Variants in MED18 observed in about 807,000 individuals in gnomAD.
MED18 encodes the protein mediator complex subunit 18.
MED18 carries 10 observed loss-of-function variants against 13.9 expected under a neutral mutation model. That is an observed-to-expected ratio of 0.72 (90% CI 0.44 to 1.22). The LOEUF (loss-of-function observed/expected upper bound fraction) is 1.22. Ranked by LOEUF, MED18 falls within the 50% of genes most tolerant of loss-of-function variation. The probability of loss-of-function intolerance (pLI) is 0.00; values close to 1 mark genes in which losing one functional copy is unlikely to be tolerated. For missense variants in MED18, 216 were observed against 279.0 expected (o/e 0.77, Z 1.61); for synonymous variants, 88 against 93.2 (o/e 0.94, Z 0.32).
rs1339150907 is a variant in MED18, at chr1:28,334,939, T to C, written c.596T>C (p.Leu199Pro). 2 of 1,614,040 alleles carry C rather than the reference T, an allele frequency of 1.2e-6. No homozygotes were observed. The highest frequency in any genetic ancestry group is 1.7e-6 in the Non-Finnish European group (2 of 1,179,926). ...FAEQLKPLVH[L>P]EKIDPKRLM ...GAACAGCTAAAACCTCTGGTTCACC[T>C]AGAGAAAATAGACCCCAAGAGGCTC... is the stretch of plus-strand genomic sequence containing the variant. Residue 199 changes from leucine to proline, a missense_variant, in exon 3 of 3, where the codon CTA (leucine) becomes CCA (proline). Physicochemically the swap from Leu to Pro is moderately conservative, Grantham distance 98 (BLOSUM62 -3). Transcript: ENST00000373842.
Position 28,334,569 on chromosome 1 carries a change from A to G in MED18, c.226A>G (p.Met76Val). ...ATTTGTTCTCAGGGCCCGACGCTCT[A>G]TGGACAGGGCAGGGGCACCCTGGCA... is the stretch of plus-strand genomic sequence containing the variant. ...SPFVLRARRS[M>V]DRAGAPWHLR... Residue 76 changes from methionine to valine, a missense_variant, in exon 3 of 3, where the codon ATG (methionine) becomes GTG (valine). By Grantham distance (21) the Met-to-Val change is conservative. Transcript: ENST00000373842. 1.9e-6 allele frequency: 3 copies of G among 1,614,194 alleles called. No individual in the cohort carries two copies. Among genetic ancestry groups the G allele is most frequent in the East Asian group, 4.5e-5 (2 of 44,882 alleles).
chr1:28,333,440 A>T (rs771660333), intron 2 of MED18, among the ~76,000 whole-genome samples: 2 of 152,202 alleles, frequency 1.3e-5, no homozygotes, highest in Non-Finnish European at 2.9e-5. Flanking sequence ...CCAAGGGAAG[A>T]ATAGATTTCA....
At chr1:28,330,315 A>G (rs1649670593) in intron 1 of MED18, 1 of 172,354 alleles carries the variant, frequency 5.8e-6, no homozygotes. Flanking sequence ...CTCATTTTAT[A>G]AGGAAGACAT....
In MED18 at chr1:28,331,813, G is replaced by T. The variant is rs945241923; in HGVS notation, c.73+1078G>T. Among the ~76,000 whole-genome samples, 4 of 151,926 alleles carry T rather than the reference G, an allele frequency of 2.6e-5. No individual in the cohort carries two copies. The South Asian group carries it at 8.3e-4, about 31-fold the overall frequency. ...GGCTGGAGCACAGTGGTGCAATCTTGGCTTACTGCAGCCTCTGCCTCCCAG... is the reference window on the plus strand; with the variant it reads ...GGCTGGAGCACAGTGGTGCAATCTTTGCTTACTGCAGCCTCTGCCTCCCAG... On this transcript the variant is annotated intron_variant, in intron 2 of 2. Transcript: ENST00000373842.
Position 28,334,654 on chromosome 1 carries a change from A to C in MED18, c.311A>C (p.Asn104Thr). Residue 104 changes from asparagine (N) to threonine (T), a missense_variant, in exon 3 of 3, where the codon AAC becomes ACC. Coordinates refer to ENST00000373842, the MANE Select transcript of MED18 (RefSeq NM_017638.3). Reference sequence around the variant, plus strand: ...AAGAACCGCCATGCCCTGGTGCGAAACTGCGTGGACATTGCCACATCTGAG... The same window carrying C: ...AAGAACCGCCATGCCCTGGTGCGAACCTGCGTGGACATTGCCACATCTGAG... ...GDKNRHALVR[N>T]CVDIATSENL... 6.2e-7 allele frequency: 1 copy of C among 1,614,206 alleles called. No homozygotes were observed. Among genetic ancestry groups the C allele is most frequent in the Non-Finnish European group, 8.5e-7 (1 of 1,180,032 alleles).
chr1:28,334,941 G>C lies in MED18; in HGVS notation c.598G>C (p.Glu200Gln). The C allele has an allele frequency of 6.2e-7, 1 of 1,614,044 alleles. No individual in the cohort carries two copies. Among genetic ancestry groups the C allele is most frequent in the Non-Finnish European group, 8.5e-7 (1 of 1,179,932 alleles). ...AEQLKPLVHLEKIDPKRLM is the reference protein window; with the variant it reads ...AEQLKPLVHLQKIDPKRLM ...ACAGCTAAAACCTCTGGTTCACCTA[G>C]AGAAAATAGACCCCAAGAGGCTCAT... Residue 200 changes from glutamate to glutamine, a missense_variant, in exon 3 of 3, where the codon GAG becomes CAG. Glu to Gln is a conservative substitution (Grantham distance 29). Transcript: ENST00000373842.
intron 1 of MED18, 100 bp downstream of exon 1, chr1:28,329,280 C>CTCTTT (rs1649619120): frequency 6.2e-5 from 6 of 96,024 alleles, no homozygotes; most frequent in South Asian, 3.4e-4. Flanking sequence ...CTCTCTCTCT[C>CTCTTT]TTTTTTTTTT....
At position 28,334,947 on chromosome 1, in the gene MED18, A is replaced by G. The variant is rs1649887848; in HGVS notation, c.604A>G (p.Ile202Val). 5.0e-6 allele frequency: 8 copies of G among 1,613,800 alleles called. No homozygotes were observed. The African/African-American group carries it at 1.1e-4, about 22-fold the overall frequency. ...AAAACCTCTGGTTCACCTAGAGAAA[A>G]TAGACCCCAAGAGGCTCATGTGACT... ...QLKPLVHLEKIDPKRLM is the reference protein window; with the variant it reads ...QLKPLVHLEKVDPKRLM Residue 202 changes from isoleucine (I) to valine (V), a missense_variant, in exon 3 of 3, where the codon ATA becomes GTA. By Grantham distance (29) the Ile-to-Val change is conservative (BLOSUM62 3). Transcript: ENST00000373842.
rs1026548445 is a variant in MED18 at position 28,335,509 on chromosome 1, A to G, written c.*539A>G. ...AGGCTCAGGATGTCACGGAGAATCT[A>G]TCTAATCCCACTGTATTAAGAGGGG... On this transcript the variant is annotated 3_prime_UTR_variant, in exon 3 of 3. Transcript: ENST00000373842. The G allele has an allele frequency of 6.3e-6, 1 of 157,872 alleles. No individual in the cohort carries two copies. The highest frequency in any genetic ancestry group is 1.4e-5 in the Non-Finnish European group (1 of 71,378). The allele number at this position is 157,872 out of a possible 1,614,324, so 9.8% of individuals were successfully genotyped here.
rs770319385 is a variant in MED18 at position 28,330,762 on chromosome 1, C to A, written c.73+27C>A. 4 of 1,553,560 alleles carry A rather than the reference C, an allele frequency of 2.6e-6. No individual in the cohort carries two copies. In the South Asian group the frequency reaches 4.7e-5, roughly 18 times the overall value. On this transcript the variant is annotated intron_variant, in intron 2 of 2. Transcript: ENST00000373842. ...TAAGTGAACTAGGGAACTTGGATTA[C>A]CTGTTTTCCTCTTCTCTGTTCAGCT...
At chr1:28,329,427 A>G (rs1649631633) in intron 1 of MED18, among the ~76,000 whole-genome samples, 1 of 151,546 alleles carries the variant, frequency 6.6e-6, no homozygotes, top group African/African-American at 2.4e-5. Flanking sequence ...CTGGGATTAC[A>G]GGCGCTCGCC....
intron 2 of MED18, 147 bp downstream of exon 2, chr1:28,330,882 T>C (rs1649699741): frequency 5.6e-6 from 3 of 535,444 alleles, no homozygotes; most frequent in Non-Finnish European, 9.5e-6. Context: ...TAGTTTTATA[T>C]GCACTAAACA....
At chr1:28,332,861 G>A (rs1649788716) in intron 2 of MED18, among the ~76,000 whole-genome samples, 1 of 152,222 alleles carries the variant, frequency 6.6e-6, no homozygotes, top group Non-Finnish European at 1.5e-5. Context: ...AGAGGCGATT[G>A]CAAAGACCAG....
chr1:28,330,451 C>T, intron 1 of MED18, 146 bp from the exon 2 acceptor site: 2 of 414,452 alleles, frequency 4.8e-6, no homozygotes, highest in East Asian at 5.2e-5. Context: ...TTCTATATTT[C>T]TGTGTCATCA....
Position 28,335,649 on chromosome 1 carries a change from C to G in MED18, c.*679C>G, listed in dbSNP as rs1649919618. On this transcript the variant is annotated 3_prime_UTR_variant, in exon 3 of 3. Transcript: ENST00000373842. ...ACCAGCCTGGCCAAATGGTGAAACC[C>G]CATCTCTACGAAAAATACAAAATTT... The G allele has an allele frequency of 6.6e-6, 1 of 151,924 alleles. No homozygotes were observed. The highest frequency in any genetic ancestry group is 1.5e-5 in the Non-Finnish European group (1 of 68,018). 9.4% of individuals were successfully genotyped at this position (151,924 alleles called of 1,614,324 possible).
At chr1:28,329,303 T>TTTTTTA (rs1649621601) in intron 1 of MED18, 123 bp downstream of exon 1, 2 of 151,556 alleles carry the variant, frequency 1.3e-5, no homozygotes, top group African/African-American at 5.0e-5. Context: ...TTTTTTTTTT[T>TTTTTTA]GAGACGGAGT....
chr1:28,334,968 T>G lies in MED18; in HGVS notation c.625T>G (p.Ter209GlyextTer15). Residue 209 changes from the stop codon to glycine (G), a stop_lost, in exon 3 of 3, where the codon TGA (stop) becomes GGA (glycine). Coordinates refer to ENST00000373842, the MANE Select transcript of MED18 (RefSeq NM_017638.3). ...LEKIDPKRLM[*>G] ...GAAAATAGACCCCAAGAGGCTCATG[T>G]GACTAAGAGGATCTGTCCACATTTG... 1 of 1,609,622 alleles carries G rather than the reference T, an allele frequency of 6.2e-7. No individual in the cohort carries two copies. The highest frequency in any genetic ancestry group is 1.1e-5 in the South Asian group (1 of 90,934).
Position 28,334,853 on chromosome 1 carries a change from A to G in MED18, c.510A>G (p.Glu170=). The G allele has an allele frequency of 6.2e-7, 1 of 1,614,094 alleles. No homozygotes were observed. Residue 170 remains glutamate, a synonymous_variant, in exon 3 of 3, where the codon GAA becomes GAG. Transcript: ENST00000373842. Reference sequence around the variant, plus strand: ...CCTTGTCACTCTCCTATCTCGTGGAATTAAGTGTGGTAGCACCCGCTGGGC... The same window carrying G: ...CCTTGTCACTCTCCTATCTCGTGGAGTTAAGTGTGGTAGCACCCGCTGGGC... ...TEALSLSYLV[E]LSVVAPAGQD...
In MED18 at chr1:28,329,998, G is replaced by A. The variant is rs959790518; in HGVS notation, c.-66-599G>A. 1.1e-4 allele frequency among the ~76,000 whole-genome samples: 16 copies of A among 152,106 alleles called. No homozygotes were observed. In the East Asian group the frequency reaches 2.7e-3, roughly 26 times the overall value. On this transcript the variant is annotated intron_variant, in intron 1 of 2. Coordinates refer to ENST00000373842, the MANE Select transcript of MED18 (RefSeq NM_017638.3). ...AAATCACTGGCCTTTGGCCGGGCAC[G>A]GTGGCTCACACCTGTAATGCCAGCA...
Sources: gnomAD v4.1 joint callset for allele counts (sites outside exome capture counted in the v4.1 genomes callset) on GRCh38, gnomAD v4.1.1 for gene constraint, MANE v1.5 for transcripts, NCBI Gene and HGNC (gene_info 2026-07-23, HGNC 2026-07-21) for gene names.